The following CES4A variants were observed in gnomAD, a reference collection of about 807,000 sequenced individuals.
The protein encoded by CES4A is carboxylesterase 6.
A neutral mutation model predicts 65.4 loss-of-function variants in CES4A; 48 were observed. The observed-to-expected ratio is 0.73, with a 90% CI of 0.58 to 0.93. The LOEUF (loss-of-function observed/expected upper bound fraction) is 0.93. Among genes scored for constraint, CES4A ranks in the 40% least tolerant of loss-of-function variants. The pLI is 0.00. For missense variants in CES4A, 685 were observed against 728.5 expected (o/e 0.94, Z 0.69); for synonymous variants, 247 against 281.8 (o/e 0.88, Z 1.24).
In CES4A at chr16:67,003,457, T is replaced by C; in HGVS notation, c.901-58T>C. 1 of 1,594,932 alleles carries C rather than the reference T, an allele frequency of 6.3e-7. No individual in the cohort carries two copies. The highest frequency in any genetic ancestry group is 8.6e-7 in the Non-Finnish European group (1 of 1,162,724). ...CCCAACTACTTCCCCAGGGACCCTGTCTCAAGAGCACACGAGGGAGACTTC... is the reference window on the plus strand; with the variant it reads ...CCCAACTACTTCCCCAGGGACCCTGCCTCAAGAGCACACGAGGGAGACTTC... On this transcript the variant is annotated intron_variant, in intron 7 of 13. Transcript: ENST00000648724. This position sits in a 1 kb window ranked among gnomAD's most constrained non-coding sequence, Gnocchi z 4.2.
At chr16:66,991,361 C>A (rs1330114236) in intron 1 of CES4A, among the ~76,000 whole-genome samples, 2 of 152,156 alleles carry the variant, frequency 1.3e-5, no homozygotes, top group African/African-American at 4.8e-5. Flanking sequence ...TACATTTCGC[C>A]AAATTATTTT....
intron 11 of CES4A, 124 bp from the exon 12 acceptor site, chr16:67,006,267 C>T (rs1965750542): frequency 4.0e-6 from 4 of 1,011,874 alleles, no homozygotes; most frequent in Non-Finnish European, 4.3e-6. Flanking sequence ...TTCAAGTCTG[C>T]CCCCTTGATT....
chr16:67,003,456 G>T lies in CES4A; in HGVS notation c.901-59G>T. On this transcript the variant is annotated intron_variant, in intron 7 of 13. Coordinates refer to ENST00000648724, the Ensembl canonical transcript of CES4A. The surrounding 1 kb of genome is among the most constrained non-coding windows in gnomAD (Gnocchi z 4.2). The stretch of plus-strand genomic sequence containing the variant: ...CCCCAACTACTTCCCCAGGGACCCT[G>T]TCTCAAGAGCACACGAGGGAGACTT... 1 of 1,595,312 alleles carries T rather than the reference G, an allele frequency of 6.3e-7. No homozygotes were observed. The highest frequency in any genetic ancestry group is 8.6e-7 in the Non-Finnish European group (1 of 1,163,074).
chr16:66,996,202 A>G, intron 2 of CES4A: 1 of 369,388 alleles, frequency 2.7e-6, no homozygotes, highest in Non-Finnish European at 5.2e-6. Context: ...ATGCACACCT[A>G]ATTTTTGTAT....
In CES4A at chr16:67,000,167, G is replaced by A. The variant is rs1237681715; in HGVS notation, c.261-471G>A. ...ATGAAGAAGAGGAGTGACATAGTCC[G>A]CCAGAGTGTGGCCGAGGAGTAGGAG... On this transcript the variant is annotated intron_variant, in intron 2 of 13. Transcript: ENST00000648724. This position sits in a 1 kb window ranked among gnomAD's most constrained non-coding sequence, Gnocchi z 4.2. Among the ~76,000 whole-genome samples the A allele has an allele frequency of 6.6e-6, 1 of 152,202 alleles. No homozygotes were observed. Among genetic ancestry groups the A allele is most frequent in the Admixed American group, 6.5e-5 (1 of 15,276 alleles).
At chr16:67,004,752 C>G (rs1369829653) in intron 9 of CES4A, 41 bp from the exon 10 acceptor site, 1 of 1,498,778 alleles carries the variant, frequency 6.7e-7, no homozygotes, top group Non-Finnish European at 9.0e-7. Context: ...CCTCCTAATG[C>G]TCAGGCCTGA....
At position 67,006,737 on chromosome 16, in the gene CES4A, G is replaced by T. The variant is rs1381258889; in HGVS notation, c.1445-8G>T. 1.9e-6 allele frequency: 3 copies of T among 1,613,820 alleles called. No homozygotes were observed. In the Admixed American group the frequency reaches 5.0e-5, roughly 27 times the overall value. On this transcript the variant is annotated splice_polypyrimidine_tract_variant and splice_region_variant and intron_variant, in intron 12 of 13. Coordinates refer to ENST00000648724, the Ensembl canonical transcript of CES4A. ...TGTCCGAAATCCCACATCCCATTCT[G>T]CCCCCAGGCCTTTCCATGGGTAAGG...
chr16:66,996,800 T>C (rs1166176525), intron 2 of CES4A, among the ~76,000 whole-genome samples: 2 of 152,112 alleles, frequency 1.3e-5, no homozygotes, highest in African/African-American at 4.8e-5. Flanking sequence ...ACACTTGTAA[T>C]ACCAGAATTT....
chr16:67,005,153 G>T (rs1965654947), intron 10 of CES4A, 87 bp from the exon 11 acceptor site: 11 of 1,389,808 alleles, frequency 7.9e-6, no homozygotes, highest in South Asian at 6.0e-5. Flanking sequence ...ACTCCTGGGG[G>T]GCTGAGCATG....
chr16:66,990,250 G>A (rs1033518562), intron 1 of CES4A, among the ~76,000 whole-genome samples: 2 of 151,876 alleles, frequency 1.3e-5, no homozygotes, highest in Admixed American at 6.6e-5. Context: ...ATGGGGTTTC[G>A]CCATGCTGGC....
exon 1 of CES4A, chr16:66,988,612 A>G: frequency 7.0e-7 from 1 of 1,426,160 alleles, no homozygotes; most frequent in Non-Finnish European, 9.4e-7. Context: ...TGGGCTGGTC[A>G]GAAGCTGGTT....
At chr16:66,991,074 G>GA (rs1452019496) in intron 1 of CES4A, among the ~76,000 whole-genome samples, 2 of 151,954 alleles carry the variant, frequency 1.3e-5, no homozygotes, top group Non-Finnish European at 2.9e-5. Context: ...TCCCAGGCTG[G>GA]AGCACAGTGA....
chr16:67,007,067 A>G, intron 13 of CES4A: 1 of 492,732 alleles, frequency 2.0e-6, no homozygotes, highest in Admixed American at 3.7e-5. Context: ...TCACCACTGC[A>G]CTCTTTTGGG....
chr16:66,994,268 A>G (rs1400740922), intron 1 of CES4A, among the ~76,000 whole-genome samples: 2 of 144,140 alleles, frequency 1.4e-5, no homozygotes, highest in East Asian at 2.2e-4. Flanking sequence ...ATGGAGTCTC[A>G]CTCTGTTGCC....
rs1597101795 is a variant in CES4A at position 67,007,117 on chromosome 16, C to T, written c.1517+300C>T. 54 of 378,654 alleles carry T rather than the reference C, an allele frequency of 1.4e-4. 1 individual carries two copies. The South Asian group carries it at 2.4e-3, about 17-fold the overall frequency. 23.5% of individuals were successfully genotyped at this position (378,654 alleles called of 1,614,324 possible). ...TGGGAGCTGGAATTCAAGGATGTTG[C>T]AGACATGAGCCCCATCCTCCAGCAG... On this transcript the variant is annotated intron_variant, in intron 13 of 13. Transcript: ENST00000648724.
intron 1 of CES4A, among the ~76,000 whole-genome samples, chr16:66,990,062 T>G (rs1210137145): frequency 6.8e-6 from 1 of 146,006 alleles, no homozygotes; most frequent in African/African-American, 2.5e-5. Flanking sequence ...TTTTTTTTTT[T>G]TTTTTTGAGA....
chr16:67,002,356 A>G (rs1965426066), intron 5 of CES4A, among the ~76,000 whole-genome samples: 1 of 152,128 alleles, frequency 6.6e-6, no homozygotes, highest in Non-Finnish European at 1.5e-5. Context: ...GCTGCATGGG[A>G]CTGGGTTGGC....
At position 67,000,469 on chromosome 16, in the gene CES4A, G is replaced by T; in HGVS notation, c.261-169G>T. 1 of 1,421,842 alleles carries T rather than the reference G, an allele frequency of 7.0e-7. No individual in the cohort carries two copies. Among genetic ancestry groups the T allele is most frequent in the Non-Finnish European group, 9.2e-7 (1 of 1,091,678 alleles). The allele number at this position is 1,421,842 out of a possible 1,614,324, so 88.1% of individuals were successfully genotyped here. ...GAGGCCAACCTGCCTCCCAGTCCTG[G>T]GCCCCGGGGCTGGCGGAGGCCTCCT... On this transcript the variant is annotated intron_variant, in intron 2 of 13. Transcript: ENST00000648724. This position sits in a 1 kb window ranked among gnomAD's most constrained non-coding sequence, Gnocchi z 4.2.
At position 67,000,534 on chromosome 16, in the gene CES4A, C is replaced by T; in HGVS notation, c.261-104C>T. The T allele has an allele frequency of 6.8e-7, 1 of 1,468,872 alleles. No individual in the cohort carries two copies. The highest frequency in any genetic ancestry group is 9.0e-7 in the Non-Finnish European group (1 of 1,106,028). The allele number at this position is 1,468,872 out of a possible 1,614,324, so 91.0% of individuals were successfully genotyped here. ...ACGCACATGCGCACGCACACGCACG[C>T]GCACAGACGCTGCCTGGATTTTGCT... is the stretch of plus-strand genomic sequence containing the variant. On this transcript the variant is annotated intron_variant, in intron 2 of 13. Transcript: ENST00000648724. This position sits in a 1 kb window ranked among gnomAD's most constrained non-coding sequence, Gnocchi z 4.2.
Sources: gnomAD v4.1 joint callset for allele counts (sites outside exome capture counted in the v4.1 genomes callset) on GRCh38, gnomAD v4.1.1 for gene constraint, Gnocchi (gnomAD v3.1) non-coding constraint, MANE v1.5 for transcripts, NCBI Gene and HGNC (gene_info 2026-07-23, HGNC 2026-07-21) for gene names.